GMDS: variants seen among roughly 807,000 people sequenced by gnomAD.
GMDS encodes GDP-mannose 4,6 dehydratase.
In GMDS, 20 loss-of-function variants were observed where a neutral mutation model predicts 49.9. That is an observed-to-expected ratio of 0.40 (90% CI 0.28 to 0.58). The LOEUF (loss-of-function observed/expected upper bound fraction) is 0.58, where lower values mean the gene tolerates loss of function less well. GMDS is among the 20% of genes least tolerant of loss of function. The probability of loss-of-function intolerance (pLI) is 0.42; values close to 1 mark genes in which losing one functional copy is unlikely to be tolerated. For synonymous variants in GMDS, 177 were observed against 178.6 expected, an observed-to-expected ratio of 0.99 and a Z score of 0.07; for missense variants, 362 against 481.4, an observed-to-expected ratio of 0.75 and a Z score of 2.32.
intron 7 of GMDS, among the ~76,000 whole-genome samples, chr6:1,927,558 T>C (rs1395575661): frequency 1.3e-5 from 2 of 152,230 alleles, no homozygotes; most frequent in Non-Finnish European, 2.9e-5. Flanking sequence ...AAAATGTATA[T>C]AAAATATTTT....
intron 1 of GMDS, among the ~76,000 whole-genome samples, chr6:2,163,406 C>G (rs1363951955): frequency 6.7e-6 from 1 of 148,538 alleles, no homozygotes; most frequent in South Asian, 2.1e-4. Flanking sequence ...GGACCAACAA[C>G]ATGTGTGTGT....
chr6:1,704,593 A>G (rs1765660469), intron 9 of GMDS, among the ~76,000 whole-genome samples: 1 of 152,250 alleles, frequency 6.6e-6, no homozygotes, highest in Admixed American at 6.5e-5. Context: ...GCGTGAAAAT[A>G]TCTGTGTTGT....
intron 4 of GMDS, among the ~76,000 whole-genome samples, chr6:2,115,479 T>C (rs1774795300): frequency 6.6e-6 from 1 of 152,238 alleles, no homozygotes; most frequent in African/African-American, 2.4e-5. Context: ...TTATTTGAAA[T>C]GGCAGAAAAC....
intron 6 of GMDS, among the ~76,000 whole-genome samples, chr6:1,951,574 T>G (rs1052897062): frequency 6.6e-6 from 1 of 152,204 alleles, no homozygotes; most frequent in Non-Finnish European, 1.5e-5. Flanking sequence ...TTTTTTATTT[T>G]GTGGTAGGGA....
At chr6:2,244,157 GCTGCCTC>G (rs1250387874) in intron 1 of GMDS, among the ~76,000 whole-genome samples, 3 of 151,966 alleles carry the variant, frequency 2.0e-5, no homozygotes, top group Non-Finnish European at 4.4e-5. Context: ...AGTATGAGCC[GCTGCCTC>G]CTGCCCACTT....
At chr6:2,013,864 T>C (rs1368193899) in intron 4 of GMDS, among the ~76,000 whole-genome samples, 7 of 62,766 alleles carry the variant, frequency 1.1e-4, no homozygotes, top group South Asian at 1.0e-3. Flanking sequence ...TTCCCAAATC[T>C]AGCAACAAAT....
At chr6:1,990,973 G>C (rs1765900876) in intron 4 of GMDS, among the ~76,000 whole-genome samples, 1 of 152,096 alleles carries the variant, frequency 6.6e-6, no homozygotes, top group Admixed American at 6.5e-5. Flanking sequence ...GTTAATATTA[G>C]TAAGGATGTT....
chr6:1,876,019 AAAAAAAAAG>A (rs1454581768), intron 7 of GMDS, among the ~76,000 whole-genome samples: 3 of 151,434 alleles, frequency 2.0e-5, no homozygotes, highest in Non-Finnish European at 4.4e-5. Flanking sequence ...CTATCTCAAA[AAAAAAAAAG>A]AAAAGAAAAG....
intron 7 of GMDS, among the ~76,000 whole-genome samples, chr6:1,821,494 A>C (rs1020470440): frequency 2.6e-5 from 4 of 152,134 alleles, no homozygotes; most frequent in Non-Finnish European, 4.4e-5. Context: ...CAGTTTATAT[A>C]AACTGTAGGA....
intron 9 of GMDS, among the ~76,000 whole-genome samples, chr6:1,700,498 C>T (rs1463839503): frequency 6.6e-6 from 1 of 152,146 alleles, no homozygotes; most frequent in African/African-American, 2.4e-5. Flanking sequence ...TTAGTTTCTC[C>T]CCTGGGAGAA....
At chr6:2,009,807 C>T (rs935704256) in intron 4 of GMDS, among the ~76,000 whole-genome samples, 4 of 152,112 alleles carry the variant, frequency 2.6e-5, no homozygotes, top group African/African-American at 9.7e-5. Context: ...CAGAATTCTA[C>T]AAAGTATCAA....
Position 1,701,822 on chromosome 6 carries a change from C to A in GMDS, c.987+24594G>T, listed in dbSNP as rs185406236. On this transcript the variant is annotated intron_variant, in intron 9 of 10. Coordinates refer to ENST00000380815, the MANE Select transcript of GMDS (RefSeq NM_001500.4). Reference sequence around the variant, plus strand: ...CTGTAAGTTTAAAGTAAGTTCCTTACAACTAATTATTTCTGTTTACTGATG... The same window carrying A: ...CTGTAAGTTTAAAGTAAGTTCCTTAAAACTAATTATTTCTGTTTACTGATG... 3.9e-5 allele frequency among the ~76,000 whole-genome samples: 6 copies of A among 152,112 alleles called. No individual in the cohort carries two copies. The East Asian group carries it at 1.2e-3, about 29-fold the overall frequency.
intron 1 of GMDS, among the ~76,000 whole-genome samples, chr6:2,159,464 AT>A (rs2127543963): frequency 6.7e-6 from 1 of 148,556 alleles, no homozygotes; most frequent in Admixed American, 6.7e-5. Flanking sequence ...CATACATTTT[AT>A]GCATTCATGG....
At position 1,821,241 on chromosome 6, in the gene GMDS, C is replaced by T. The variant is rs922148618; in HGVS notation, c.772-78655G>A. On this transcript the variant is annotated intron_variant, in intron 7 of 10. Transcript: ENST00000380815. ...AAAATGGAAAAACTCTCTTGCATTT[C>T]GGAAGTGAGTGGGTCTCCCGGAGGT... Among the ~76,000 whole-genome samples the T allele has an allele frequency of 9.2e-5, 14 of 152,118 alleles. 1 individual carries two copies. The highest frequency in any genetic ancestry group is 8.3e-4 in the South Asian group (4 of 4,830).
At chr6:2,233,734 C>T (rs1325382535) in intron 1 of GMDS, among the ~76,000 whole-genome samples, 1 of 152,192 alleles carries the variant, frequency 6.6e-6, no homozygotes, top group Non-Finnish European at 1.5e-5. Flanking sequence ...GGATGAGACT[C>T]TCTTGATCCC....
At chr6:2,005,583 C>G (rs771439852) in intron 4 of GMDS, among the ~76,000 whole-genome samples, 1 of 152,164 alleles carries the variant, frequency 6.6e-6, no homozygotes, top group Non-Finnish European at 1.5e-5. Flanking sequence ...GTCTGTCACT[C>G]GACTCACTCT....
intron 9 of GMDS, among the ~76,000 whole-genome samples, chr6:1,636,549 C>A (rs1763154291): frequency 6.6e-6 from 1 of 152,226 alleles, no homozygotes; most frequent in South Asian, 2.1e-4. Context: ...GAGAACACAG[C>A]CACCAACACC....
chr6:1,984,833 G>A (rs1765447073), intron 4 of GMDS, among the ~76,000 whole-genome samples: 1 of 152,158 alleles, frequency 6.6e-6, no homozygotes, highest in South Asian at 2.1e-4. Context: ...CAGCAATGAT[G>A]AAATTTTAAA....
intron 7 of GMDS, among the ~76,000 whole-genome samples, chr6:1,867,921 G>C: frequency 6.6e-6 from 1 of 152,072 alleles, no homozygotes; most frequent in East Asian, 1.9e-4. Flanking sequence ...TCTGTGGATG[G>C]GTGCTTCCCC....
Sources: gnomAD v4.1 joint callset for allele counts (sites outside exome capture counted in the v4.1 genomes callset) on GRCh38, gnomAD v4.1.1 for gene constraint, MANE v1.5 for transcripts, NCBI Gene and HGNC (gene_info 2026-07-23, HGNC 2026-07-21) for gene names.